LAMP3: variants seen among roughly 807,000 people sequenced by gnomAD.
The protein encoded by LAMP3 is lysosome-associated membrane glycoprotein 3.
In LAMP3, 26 loss-of-function variants were observed where a neutral mutation model predicts 34.8. The observed-to-expected ratio is 0.75, with a 90% CI of 0.55 to 1.04. The LOEUF (loss-of-function observed/expected upper bound fraction) is 1.04. Ranked by LOEUF, LAMP3 falls within the 50% of genes least tolerant of loss-of-function variation. The pLI, the probability that LAMP3 is intolerant of heterozygous loss-of-function variation, is 0.00. For missense variants in LAMP3, 495 were observed against 524.0 expected (o/e 0.94, Z 0.54); for synonymous variants, 180 against 201.9 (o/e 0.89, Z 0.92).
At chr3:183,161,930 A>G in intron 1 of LAMP3, 1 of 984,586 alleles carries the variant, frequency 1.0e-6, no homozygotes, top group Non-Finnish European at 1.2e-6. Context: ...CCTCTTCCCT[A>G]ACATTCCTAG....
intron 2 of LAMP3, among the ~76,000 whole-genome samples, chr3:183,152,916 C>A (rs959509207): frequency 3.3e-5 from 5 of 152,262 alleles, no homozygotes; most frequent in Admixed American, 6.5e-5. Flanking sequence ...GTGGCTCATG[C>A]CTGTAATCCC....
intron 5 of LAMP3, among the ~76,000 whole-genome samples, chr3:183,125,905 G>A (rs1179851192): frequency 6.6e-6 from 1 of 152,068 alleles, no homozygotes; most frequent in Non-Finnish European, 1.5e-5. Context: ...AAACTCCTGG[G>A]CTGAAGCAAT....
chr3:183,160,633 A>G (rs1720949391), intron 1 of LAMP3, among the ~76,000 whole-genome samples: 1 of 152,196 alleles, frequency 6.6e-6, no homozygotes, highest in Non-Finnish European at 1.5e-5. Flanking sequence ...CATCTGTAAA[A>G]TAGGGATAAG....
chr3:183,162,569 C>A, intron 1 of LAMP3, 38 bp downstream of exon 1: 1 of 1,543,558 alleles, frequency 6.5e-7, no homozygotes, highest in Non-Finnish European at 8.8e-7. Flanking sequence ...GGGACCGACA[C>A]GTCAGGGCCA....
rs184973259 is a variant in LAMP3, at chr3:183,135,633, C to T, written c.1117+84G>A. ...GAAGCTCATGAGATGCTTGCTCCTTCGACAGCTGCAGACAGAAAACACTTT... is the reference window on the plus strand; with the variant it reads ...GAAGCTCATGAGATGCTTGCTCCTTTGACAGCTGCAGACAGAAAACACTTT... On this transcript the variant is annotated intron_variant, in intron 5 of 5. Coordinates refer to ENST00000265598, the MANE Select transcript of LAMP3 (RefSeq NM_014398.4). 69 of 1,283,978 alleles carry T rather than the reference C, an allele frequency of 5.4e-5. No individual in the cohort carries two copies. In the Admixed American group the frequency reaches 7.4e-4, roughly 14 times the overall value. 79.5% of individuals were successfully genotyped at this position (1,283,978 alleles called of 1,614,324 possible).
rs1399313492 is a variant in LAMP3 at position 183,153,932 on chromosome 3, G to A, written c.509C>T (p.Ala170Val). ...TQPSNQTTLP[A>V]TLSIALHKST... The stretch of plus-strand genomic sequence containing the variant: ...TTTGTGCAGTGCTATCGATAAAGTT[G>A]CTGGAAGGGTGGTCTGGTTACTGGG... Residue 170 changes from alanine (A) to valine (V), a missense_variant, in exon 2 of 6, where the codon GCA becomes GTA. Transcript: ENST00000265598. 1.9e-6 allele frequency: 3 copies of A among 1,614,086 alleles called. No individual in the cohort carries two copies. Among genetic ancestry groups the A allele is most frequent in the Non-Finnish European group, 8.5e-7 (1 of 1,180,046 alleles).
chr3:183,155,203 C>A (rs1034188796), intron 1 of LAMP3, among the ~76,000 whole-genome samples: 13 of 152,238 alleles, frequency 8.5e-5, no homozygotes, highest in Non-Finnish European at 1.6e-4. Context: ...AGCCACCGTG[C>A]CCCACCCCAA....
At chr3:183,163,335 G>A (rs961292804), upstream of LAMP3, among the ~76,000 whole-genome samples, 4 of 149,520 alleles carry the variant, frequency 2.7e-5, no homozygotes, top group Non-Finnish European at 5.9e-5. Context: ...ACAAAGTCTC[G>A]CTCTGTCGCC....
chr3:183,136,522 A>G (rs1008952503), intron 4 of LAMP3, among the ~76,000 whole-genome samples: 2 of 152,066 alleles, frequency 1.3e-5, no homozygotes, highest in African/African-American at 4.8e-5. Flanking sequence ...GCGGTGGCAC[A>G]TGCCTGTAAT....
chr3:183,124,233 A>G lies in LAMP3; in HGVS notation c.1118-19T>C, dbSNP rs1719731733. 2 of 1,540,906 alleles carry G rather than the reference A, an allele frequency of 1.3e-6. No individual in the cohort carries two copies. ...TCATCCACTAAGAGAGAAAACAAAT[A>G]CAATACAGTGGGTAAGGTTTGGTGA... On this transcript the variant is annotated intron_variant, in intron 5 of 5. Coordinates refer to ENST00000265598, the MANE Select transcript of LAMP3 (RefSeq NM_014398.4).
chr3:183,125,240 G>C (rs2108593587), intron 5 of LAMP3, among the ~76,000 whole-genome samples: 1 of 152,274 alleles, frequency 6.6e-6, no homozygotes, highest in Non-Finnish European at 1.5e-5. Context: ...TAGCTAAAAA[G>C]ATACATGTGT....
At chr3:183,145,671 CA>C (rs1387153141) in intron 3 of LAMP3, among the ~76,000 whole-genome samples, 2 of 152,154 alleles carry the variant, frequency 1.3e-5, no homozygotes, top group African/African-American at 4.8e-5. Flanking sequence ...GCCTGGCCAA[CA>C]TGGCGAAACC....
chr3:183,130,295 A>C (rs573813), intron 5 of LAMP3, among the ~76,000 whole-genome samples: 84,808 of 151,002 alleles, frequency 0.56, 27,902 homozygotes, highest in Non-Finnish European at 0.74. Context: ...AGTAGCTGGG[A>C]CTACATGCGC....
chr3:183,154,535 A>C, intron 1 of LAMP3, 144 bp from the exon 2 acceptor site: 1 of 645,548 alleles, frequency 1.5e-6, no homozygotes, highest in Admixed American at 2.9e-5. Context: ...GGGTACAACA[A>C]TGAAGCAAAC....
At chr3:183,151,996 T>C (rs1178289778) in intron 3 of LAMP3, among the ~76,000 whole-genome samples, 1 of 152,204 alleles carries the variant, frequency 6.6e-6, no homozygotes, top group Non-Finnish European at 1.5e-5. Context: ...TGTTCTGACA[T>C]TTGATTTCGG....
In LAMP3 at chr3:183,153,904, G is replaced by C. The variant is rs767327887; in HGVS notation, c.537C>G (p.Ser179Arg). Residue 179 changes from serine (S) to arginine (R), a missense_variant, in exon 2 of 6, where the codon AGC becomes AGG. Coordinates refer to ENST00000265598, the MANE Select transcript of LAMP3 (RefSeq NM_014398.4). ...GTTGAACAGGCTTCTGACCGGTTGT[G>C]CTTTTGTGCAGTGCTATCGATAAAG... is the stretch of plus-strand genomic sequence containing the variant. ...PATLSIALHKSTTGQKPVQPT... is the reference protein window; with the variant it reads ...PATLSIALHKRTTGQKPVQPT... The C allele has an allele frequency of 1.5e-5, 25 of 1,614,092 alleles. No homozygotes were observed. Among genetic ancestry groups the C allele is most frequent in the Middle Eastern group, 1.6e-4 (1 of 6,084 alleles).
chr3:183,136,882 C>T (rs1346768966), intron 4 of LAMP3, among the ~76,000 whole-genome samples: 4 of 151,990 alleles, frequency 2.6e-5, no homozygotes, highest in African/African-American at 9.7e-5. Flanking sequence ...GTGGCACACA[C>T]CTGTGGTCCC....
At chr3:183,134,504 C>A (rs764584403) in intron 5 of LAMP3, among the ~76,000 whole-genome samples, 3 of 152,074 alleles carry the variant, frequency 2.0e-5, no homozygotes, top group Non-Finnish European at 2.9e-5. Context: ...TAAGATCACA[C>A]GATTACAGAA....
chr3:183,142,072 C>A (rs1373047586), intron 3 of LAMP3, among the ~76,000 whole-genome samples: 1 of 152,174 alleles, frequency 6.6e-6, no homozygotes, highest in African/African-American at 2.4e-5. Flanking sequence ...TTTAGACAAT[C>A]CATTTGCTTT....
Sources: gnomAD v4.1 joint callset for allele counts (sites outside exome capture counted in the v4.1 genomes callset) on GRCh38, gnomAD v4.1.1 for gene constraint, MANE v1.5 for transcripts, NCBI Gene and HGNC (gene_info 2026-07-23, HGNC 2026-07-21) for gene names.